The following B3GALT1 variants were observed in gnomAD, a reference collection of about 807,000 sequenced individuals.
B3GALT1 encodes the protein beta-1,3-galactosyltransferase 1.
A neutral mutation model predicts 23.2 loss-of-function variants in B3GALT1; 10 were observed. That is an observed-to-expected ratio of 0.43 (90% CI 0.27 to 0.73). B3GALT1 has a LOEUF of 0.73. Ranked by LOEUF, B3GALT1 falls within the 30% of genes least tolerant of loss-of-function variation. The pLI is 0.21. For missense variants in B3GALT1, 299 were observed against 405.4 expected (o/e 0.74, Z 2.25); for synonymous variants, 156 against 141.5 (o/e 1.10, Z -0.73).
At chr2:167,823,720 A>AC (rs1689155596) in intron 4 of B3GALT1, among the ~76,000 whole-genome samples, 1 of 152,226 alleles carries the variant, frequency 6.6e-6, no homozygotes, top group South Asian at 2.1e-4. Flanking sequence ...CATTCCAAGT[A>AC]CACAGGCCAG....
At chr2:167,440,863 T>G (rs1481240748) in intron 1 of B3GALT1, among the ~76,000 whole-genome samples, 2 of 152,196 alleles carry the variant, frequency 1.3e-5, no homozygotes, top group Non-Finnish European at 2.9e-5. Flanking sequence ...TGATCTTTTT[T>G]TCATTTTTTA....
At chr2:167,311,604 T>A (rs1286714271) in intron 1 of B3GALT1, among the ~76,000 whole-genome samples, 1 of 152,058 alleles carries the variant, frequency 6.6e-6, no homozygotes, top group Non-Finnish European at 1.5e-5. Context: ...TACTTGTTAT[T>A]TTTATTGAGA....
chr2:167,312,203 C>T (rs756200107), intron 1 of B3GALT1, among the ~76,000 whole-genome samples: 2 of 151,426 alleles, frequency 1.3e-5, no homozygotes, highest in African/African-American at 4.9e-5. Flanking sequence ...ATCCCAGAGA[C>T]GTAGGAAGCA....
At chr2:167,669,809 C>T (rs578199529) in intron 3 of B3GALT1, among the ~76,000 whole-genome samples, 2 of 152,064 alleles carry the variant, frequency 1.3e-5, no homozygotes, top group Non-Finnish European at 2.9e-5. Flanking sequence ...GAGACAGTGC[C>T]TGGCTTCCCA....
At chr2:167,829,231 C>T (rs2105376553) in intron 4 of B3GALT1, among the ~76,000 whole-genome samples, 1 of 152,188 alleles carries the variant, frequency 6.6e-6, no homozygotes, top group African/African-American at 2.4e-5. Flanking sequence ...CGCCTGTAAT[C>T]CCAGCACTTT....
At chr2:167,312,517 A>C (rs1466690531) in intron 1 of B3GALT1, among the ~76,000 whole-genome samples, 1 of 152,066 alleles carries the variant, frequency 6.6e-6, no homozygotes, top group Non-Finnish European at 1.5e-5. Context: ...AGTCTAAAAG[A>C]GAACAAAAAA....
intron 3 of B3GALT1, among the ~76,000 whole-genome samples, chr2:167,756,777 T>C (rs1349998604): frequency 6.6e-6 from 1 of 152,172 alleles, no homozygotes; most frequent in African/African-American, 2.4e-5. Flanking sequence ...AAAGAAACTA[T>C]GCGGATGTCC....
intron 1 of B3GALT1, among the ~76,000 whole-genome samples, chr2:167,379,412 A>G (rs1006438875): frequency 2.0e-5 from 3 of 152,068 alleles, no homozygotes; most frequent in African/African-American, 7.2e-5. Context: ...TATTATTATT[A>G]TCATTATTTT....
intron 2 of B3GALT1, among the ~76,000 whole-genome samples, chr2:167,519,432 C>T (rs569759218): frequency 6.6e-6 from 1 of 152,160 alleles, no homozygotes; most frequent in African/African-American, 2.4e-5. Context: ...TTAATTTTAT[C>T]CAGTTTGCTT....
At chr2:167,304,972 C>CT (rs1466625739) in intron 1 of B3GALT1, among the ~76,000 whole-genome samples, 2 of 152,152 alleles carry the variant, frequency 1.3e-5, no homozygotes, top group African/African-American at 4.8e-5. Context: ...CACCCTTCCT[C>CT]TGACATTTTG....
intron 3 of B3GALT1, among the ~76,000 whole-genome samples, chr2:167,669,572 A>G (rs1432004441): frequency 1.3e-5 from 2 of 152,246 alleles, no homozygotes; most frequent in African/African-American, 2.4e-5. Context: ...GAAAATATCA[A>G]TCATTAAATT....
At chr2:167,835,094 G>A (rs2105385191) in intron 4 of B3GALT1, among the ~76,000 whole-genome samples, 1 of 152,316 alleles carries the variant, frequency 6.6e-6, no homozygotes, top group East Asian at 1.9e-4. Context: ...ACAGCTCCCA[G>A]CATGAGCGAC....
chr2:167,303,338 G>A lies in B3GALT1; in HGVS notation c.-511+10004G>A, dbSNP rs1696482300. Among the ~76,000 whole-genome samples, 3 of 152,150 alleles carry A rather than the reference G, an allele frequency of 2.0e-5. No homozygotes were observed. In the South Asian group the frequency reaches 6.2e-4, roughly 32 times the overall value. On this transcript the variant is annotated intron_variant, in intron 1 of 4. Transcript: ENST00000392690. ...TCTCGTATCCTTCCCCATATACTTA[G>A]TTTTCATTCCTCAAATAGGTAACCA...
At chr2:167,630,876 C>T (rs577973005) in intron 2 of B3GALT1, among the ~76,000 whole-genome samples, 5 of 151,668 alleles carry the variant, frequency 3.3e-5, no homozygotes, top group Non-Finnish European at 5.9e-5. Context: ...AGAATAGTCC[C>T]ATTGTGTACA....
At chr2:167,795,668 C>T (rs1688534925) in intron 3 of B3GALT1, among the ~76,000 whole-genome samples, 1 of 152,120 alleles carries the variant, frequency 6.6e-6, no homozygotes, top group Non-Finnish European at 1.5e-5. Context: ...CATCCTCTAC[C>T]AACAGGAGTC....
intron 2 of B3GALT1, among the ~76,000 whole-genome samples, chr2:167,640,170 T>A (rs1685625348): frequency 6.6e-6 from 1 of 152,100 alleles, no homozygotes; most frequent in South Asian, 2.1e-4. Context: ...TAGAAGATAC[T>A]TTTTTTCCCT....
rs77872864 is a variant in B3GALT1 at position 167,822,074 on chromosome 2, G to A, written c.-230+3281G>A. Among the ~76,000 whole-genome samples, 1,405 of 152,294 alleles carry A rather than the reference G, an allele frequency of 9.2e-3. 28 individuals are homozygous for A. The highest frequency in any genetic ancestry group is 0.032 in the African/African-American group (1,339 of 41,548). Reference sequence around the variant, plus strand: ...GAGAAGTTATGATCACCCAGCCAGTGAGTGGCAGACCAAGGAAGAGGTCTT... The same window carrying A: ...GAGAAGTTATGATCACCCAGCCAGTAAGTGGCAGACCAAGGAAGAGGTCTT... On this transcript the variant is annotated intron_variant, in intron 4 of 4. Transcript: ENST00000392690.
intron 3 of B3GALT1, among the ~76,000 whole-genome samples, chr2:167,659,296 G>A (rs1267213419): frequency 3.3e-5 from 5 of 151,034 alleles, no homozygotes; most frequent in Non-Finnish European, 7.4e-5. Flanking sequence ...GTTACCCTTT[G>A]TCAGTAGTTA....
At position 167,435,505 on chromosome 2, in the gene B3GALT1, G is replaced by A. The variant is rs115559056; in HGVS notation, c.-510-54672G>A. On this transcript the variant is annotated intron_variant, in intron 1 of 4. Coordinates refer to ENST00000392690, the MANE Select transcript of B3GALT1 (RefSeq NM_020981.4). ...TTTTAAATACTGGGAGTTAGGATGC[G>A]AGGAGAAATCACAAGAACCTTGGAT... Among the ~76,000 whole-genome samples, 929 of 147,372 alleles carry A rather than the reference G, an allele frequency of 6.3e-3. 12 individuals are homozygous for A. The highest frequency in any genetic ancestry group is 0.023 in the African/African-American group (896 of 39,730).
Sources: gnomAD v4.1 joint callset for allele counts (sites outside exome capture counted in the v4.1 genomes callset) on GRCh38, gnomAD v4.1.1 for gene constraint, MANE v1.5 for transcripts, NCBI Gene and HGNC (gene_info 2026-07-23, HGNC 2026-07-21) for gene names.